Variants in ZCCHC2 observed in about 807,000 individuals in gnomAD.
ZCCHC2 encodes zinc finger CCHC-type containing 2.
ZCCHC2 carries 39 observed loss-of-function variants against 103.6 expected under a neutral mutation model. The ratio of observed to expected loss-of-function variants is 0.38; its 90% CI spans 0.29 to 0.49. The LOEUF is 0.49. Among genes scored for constraint, ZCCHC2 ranks in the 20% least tolerant of loss-of-function variants. The pLI is 0.96. For synonymous variants in ZCCHC2, 687 were observed against 608.9 expected (o/e 1.13, Z -1.89); for missense variants, 1,483 against 1,491.0 (o/e 0.99, Z 0.09).
chr18:62,574,264 A>G lies in ZCCHC2; in HGVS notation c.2183A>G (p.Asn728Ser), dbSNP rs767525954. Reference protein sequence around the residue: ...FMPTLHCVMHNGAQKSEVVVP... With the variant: ...FMPTLHCVMHSGAQKSEVVVP... ...CCAACGTTACACTGTGTCATGCACA[A>G]TGGTGCCCAGAAGTCTGAAGTTGTC... Residue 728 changes from asparagine to serine, a missense_variant, in exon 13 of 14, where the codon AAT (asparagine) becomes AGT (serine). Around this residue, in one of 3 missense-constraint regions of ZCCHC2, gnomAD observed 884 missense variants for 907.5 expected, o/e 0.97. Coordinates refer to ENST00000269499, the MANE Select transcript of ZCCHC2 (RefSeq NM_017742.6). The G allele has an allele frequency of 1.1e-5, 17 of 1,614,068 alleles. No homozygotes were observed. The highest frequency in any genetic ancestry group is 6.7e-5 in the African/African-American group (5 of 75,064).
rs1916852692 is a variant in ZCCHC2, at chr18:62,576,576, C to G, written c.3534C>G (p.Asp1178Glu). 3 of 1,613,428 alleles carry G rather than the reference C, an allele frequency of 1.9e-6. No individual in the cohort carries two copies. The African/African-American group carries it at 4.0e-5, about 22-fold the overall frequency. The change falls in exon 14 of 14, where the codon GAC becomes GAG. Residue 1178 changes from aspartate (D) to glutamate (E), a missense_variant. Asp to Glu is a conservative substitution (Grantham distance 45, BLOSUM62 2). This residue lies in a region of ZCCHC2 where 884 missense variants were observed against 907.5 expected (regional missense o/e 0.97). Coordinates refer to ENST00000269499, the MANE Select transcript of ZCCHC2 (RefSeq NM_017742.6). ...CTAATGATACGTTGGATTCTGCAGA[C>G]TGAAACGAGTAAAGCTTGCCTACTT... Reference protein sequence around the residue: ...PPSNDTLDSAD With the variant: ...PPSNDTLDSAE
intron 9 of ZCCHC2, 120 bp from the exon 10 acceptor site, chr18:62,564,451 G>T: frequency 1.5e-6 from 1 of 686,224 alleles, no homozygotes; most frequent in Non-Finnish European, 2.3e-6. Flanking sequence ...AAATAGGTTG[G>T]AAATCAACAC....
chr18:62,563,674 A>G (rs1323348810), intron 9 of ZCCHC2, among the ~76,000 whole-genome samples: 2 of 152,216 alleles, frequency 1.3e-5, no homozygotes, highest in East Asian at 1.9e-4. Context: ...TAAATTTAAA[A>G]CAAAATAAAA....
In ZCCHC2 at chr18:62,523,892, G is replaced by A; in HGVS notation, c.468G>A (p.Ser156=). ...RDSEAKANGL[S]DPGPLADFRE... ...CGGAGGCCAAGGCCAACGGCCTCTCGGACCCGGGGCCGCTGGCCGACTTCC... is the reference window on the plus strand; with the variant it reads ...CGGAGGCCAAGGCCAACGGCCTCTCAGACCCGGGGCCGCTGGCCGACTTCC... Residue 156 remains serine, a synonymous_variant, in exon 1 of 14, where the codon TCG becomes TCA. Coordinates refer to ENST00000269499, the MANE Select transcript of ZCCHC2 (RefSeq NM_017742.6). 6.5e-7 allele frequency: 1 copy of A among 1,540,964 alleles called. No individual in the cohort carries two copies. The highest frequency in any genetic ancestry group is 8.7e-7 in the Non-Finnish European group (1 of 1,145,406).
At chr18:62,562,212 G>A (rs1254841003) in intron 8 of ZCCHC2, among the ~76,000 whole-genome samples, 2 of 152,100 alleles carry the variant, frequency 1.3e-5, no homozygotes, top group African/African-American at 4.8e-5. Context: ...ATGTTGGCCA[G>A]GATGGTCTCG....
chr18:62,559,826 T>C (rs531939966), intron 7 of ZCCHC2, among the ~76,000 whole-genome samples: 3 of 152,332 alleles, frequency 2.0e-5, no homozygotes, highest in African/African-American at 7.2e-5. Flanking sequence ...CATTGGTGGG[T>C]TTAACCAACT....
At chr18:62,560,515 A>G (rs1916069781) in intron 7 of ZCCHC2, 72 bp from the exon 8 acceptor site, 2 of 1,258,476 alleles carry the variant, frequency 1.6e-6, no homozygotes, top group South Asian at 2.5e-5. Context: ...TGATCATACA[A>G]ACTAGTAGCA....
At chr18:62,576,386 T>G in intron 13 of ZCCHC2, 126 bp from the exon 14 acceptor site, 1 of 698,958 alleles carries the variant, frequency 1.4e-6, no homozygotes, top group East Asian at 2.8e-5. Context: ...GATTGGCCAT[T>G]TGGAGTGGCA....
intron 11 of ZCCHC2, among the ~76,000 whole-genome samples, 161 bp downstream of exon 11, chr18:62,565,257 C>T (rs753026658): frequency 6.6e-6 from 1 of 152,124 alleles, no homozygotes; most frequent in Non-Finnish European, 1.5e-5. Context: ...GTTCTGAAAT[C>T]AATGGAGTTA....
Position 62,575,388 on chromosome 18 carries a change from G to A in ZCCHC2, c.3307G>A (p.Gly1103Arg), listed in dbSNP as rs780265497. The A allele has an allele frequency of 2.5e-6, 4 of 1,613,900 alleles. No homozygotes were observed. The highest frequency in any genetic ancestry group is 3.4e-6 in the Non-Finnish European group (4 of 1,179,902). Residue 1103 changes from glycine (G) to arginine (R), a missense_variant, in exon 13 of 14, where the codon GGA becomes AGA. By Grantham distance (125) the Gly-to-Arg change is moderately radical. Coordinates refer to ENST00000269499, the MANE Select transcript of ZCCHC2 (RefSeq NM_017742.6). ...CAACTATGGCATGCAGCAGATGGCA[G>A]GATTTGGGAGATTCTATCCTGTATA... Reference protein sequence around the residue: ...QANYGMQQMAGFGRFYPVYPA... With the variant: ...QANYGMQQMARFGRFYPVYPA...
chr18:62,550,705 G>C (rs1399887677), intron 5 of ZCCHC2, among the ~76,000 whole-genome samples: 3 of 152,196 alleles, frequency 2.0e-5, no homozygotes, highest in Admixed American at 2.0e-4. Flanking sequence ...TGCAGATATT[G>C]AATAAAGGCT....
rs776656673 is a variant in ZCCHC2, at chr18:62,577,389, T to C, written c.*810T>C. ...GAGAGACACAAAGTGAACACACTGG[T>C]GTGAATGTCGCTCTCTGTGTGCTTG... On this transcript the variant is annotated 3_prime_UTR_variant, in exon 14 of 14. Transcript: ENST00000269499. 3 of 152,234 alleles carry C rather than the reference T, an allele frequency of 2.0e-5. No homozygotes were observed. Among genetic ancestry groups the C allele is most frequent in the Non-Finnish European group, 4.4e-5 (3 of 68,032 alleles). 9.4% of individuals were successfully genotyped at this position (152,234 alleles called of 1,614,324 possible). A position where few individuals can be genotyped will look rare whatever the true frequency, so the allele number is the denominator to read the frequency against.
intron 9 of ZCCHC2, 25 bp from the exon 10 acceptor site, chr18:62,564,546 T>C: frequency 6.8e-7 from 1 of 1,479,116 alleles, no homozygotes; most frequent in Non-Finnish European, 9.1e-7. Flanking sequence ...TTTTGTCTGA[T>C]TTGTCTTTTT....
exon 15 of ZCCHC2, chr18:62,586,390 G>A (rs1917171139): frequency 6.6e-6 from 1 of 151,862 alleles, no homozygotes. Context: ...GCATCAGCAC[G>A]GGTCTGGCTG....
chr18:62,533,323 C>T (rs533504624), intron 1 of ZCCHC2, among the ~76,000 whole-genome samples: 6 of 151,574 alleles, frequency 4.0e-5, no homozygotes, highest in Non-Finnish European at 8.8e-5. Context: ...GTCAGGAGTT[C>T]GATACCAGAC....
chr18:62,526,817 C>G (rs1914428402), intron 1 of ZCCHC2: 2 of 151,444 alleles, frequency 1.3e-5, no homozygotes, highest in South Asian at 4.2e-4. Context: ...AAGATGGCGG[C>G]CGCGCGCGCC....
intron 8 of ZCCHC2, among the ~76,000 whole-genome samples, chr18:62,562,570 A>G (rs1916170002): frequency 6.6e-6 from 1 of 152,152 alleles, no homozygotes; most frequent in Non-Finnish European, 1.5e-5. Context: ...GTTACCTGAA[A>G]GTCTGTGTCC....
chr18:62,559,596 T>C (rs1916032668), intron 7 of ZCCHC2, among the ~76,000 whole-genome samples: 1 of 152,248 alleles, frequency 6.6e-6, no homozygotes, highest in Admixed American at 6.5e-5. Flanking sequence ...GAGATAATTA[T>C]ATGCTGCTGT....
intron 9 of ZCCHC2, 21 bp from the exon 10 acceptor site, chr18:62,564,550 T>C: frequency 1.3e-6 from 2 of 1,493,464 alleles, no homozygotes; most frequent in Non-Finnish European, 1.8e-6. Flanking sequence ...GTCTGATTTG[T>C]CTTTTTATTC....
Sources: gnomAD v4.1 joint callset for allele counts (sites outside exome capture counted in the v4.1 genomes callset) on GRCh38, gnomAD v4.1.1 for gene constraint, gnomAD v4.1.1 regional missense constraint, MANE v1.5 for transcripts, NCBI Gene and HGNC (gene_info 2026-07-23, HGNC 2026-07-21) for gene names.